HMGB1: variants seen among roughly 807,000 people sequenced by gnomAD.
HMGB1 encodes the protein high mobility group box 1, also known as high mobility group protein B1.
For missense variants in HMGB1, 79 were observed against 253.5 expected, an observed-to-expected ratio of 0.31 and a Z score of 4.67; for synonymous variants, 81 against 84.0, an observed-to-expected ratio of 0.96 and a Z score of 0.19.
At chr13:30,578,368 CTTTTTTTTT>C (rs60947686) in intron 1 of HMGB1, among the ~76,000 whole-genome samples, 44 of 59,308 alleles carry the variant, frequency 7.4e-4, no homozygotes, top group African/African-American at 1.4e-3. Flanking sequence ...AGTTCTTGTT[CTTTTTTTTT>C]TTTTTTTTTT....
intron 1 of HMGB1, chr13:30,464,537 C>A (rs1886592634): frequency 2.0e-6 from 2 of 984,572 alleles, no homozygotes; most frequent in Non-Finnish European, 2.4e-6. Flanking sequence ...GCCCGGCTCC[C>A]AGGCCCGAGG....
At chr13:30,607,597 T>G (rs926943586) in intron 1 of HMGB1, among the ~76,000 whole-genome samples, 6 of 152,308 alleles carry the variant, frequency 3.9e-5, no homozygotes, top group Admixed American at 1.3e-4. Context: ...TACAGCAGTG[T>G]GAAAATAGAC....
chr13:30,552,115 C>CT (rs774864877), intron 1 of HMGB1, among the ~76,000 whole-genome samples: 1 of 152,136 alleles, frequency 6.6e-6, no homozygotes, highest in Non-Finnish European at 1.5e-5. Context: ...TTCTCCTCTC[C>CT]TTTTTTTATT....
chr13:30,592,070 T>C (rs1271269687), intron 1 of HMGB1, among the ~76,000 whole-genome samples: 1 of 152,154 alleles, frequency 6.6e-6, no homozygotes, highest in East Asian at 1.9e-4. Context: ...TTATTTAGAA[T>C]GTCCTATCAG....
chr13:30,539,179 A>G (rs143551920), intron 1 of HMGB1, among the ~76,000 whole-genome samples: 99 of 152,296 alleles, frequency 6.5e-4, no homozygotes, highest in African/African-American at 2.3e-3. Context: ...TTACAGGCGT[A>G]AGCCACTGCG....
chr13:30,547,307 C>T (rs1375892937), intron 1 of HMGB1, among the ~76,000 whole-genome samples: 1 of 152,190 alleles, frequency 6.6e-6, no homozygotes, highest in Non-Finnish European at 1.5e-5. Context: ...TTTACCCTCC[C>T]ATTTCATAAA....
At chr13:30,560,941 G>GT (rs200487340) in intron 1 of HMGB1, among the ~76,000 whole-genome samples, 12,188 of 145,958 alleles carry the variant, frequency 0.084, 845 homozygotes, top group East Asian at 0.39. Flanking sequence ...GGTTATATAT[G>GT]TTTTTTTTTT....
chr13:30,573,885 C>A (rs1035639700), intron 1 of HMGB1, among the ~76,000 whole-genome samples: 1 of 152,108 alleles, frequency 6.6e-6, no homozygotes, highest in African/African-American at 2.4e-5. Context: ...AACTCCTGGT[C>A]TCAAGTGATC....
At chr13:30,606,706 A>C (rs1318406949) in intron 1 of HMGB1, among the ~76,000 whole-genome samples, 2 of 152,236 alleles carry the variant, frequency 1.3e-5, no homozygotes, top group Non-Finnish European at 2.9e-5. Flanking sequence ...GATTATACAA[A>C]TATTTGGGCT....
chr13:30,479,364 C>CACCA (rs1393661612), intron 1 of HMGB1, among the ~76,000 whole-genome samples: 1 of 152,158 alleles, frequency 6.6e-6, no homozygotes, highest in Non-Finnish European at 1.5e-5. Context: ...ACTTCAGACT[C>CACCA]CTATTCCCAC....
intron 1 of HMGB1, among the ~76,000 whole-genome samples, chr13:30,545,192 G>C (rs1869093177): frequency 6.6e-6 from 1 of 152,004 alleles, no homozygotes; most frequent in African/African-American, 2.4e-5. Context: ...AATGCTGATG[G>C]ATGTGAGGCT....
intron 1 of HMGB1, among the ~76,000 whole-genome samples, chr13:30,479,489 C>T (rs778716502): frequency 1.5e-4 from 23 of 152,204 alleles, no homozygotes; most frequent in Non-Finnish European, 2.9e-4. Context: ...TTTTGACTCC[C>T]CTTTCTCCTC....
In HMGB1 at chr13:30,459,387, A is replaced by T. The variant is rs1410976564; in HGVS notation, c.*1970T>A. The T allele has an allele frequency of 6.6e-6, 1 of 151,536 alleles. No individual in the cohort carries two copies. Among genetic ancestry groups the T allele is most frequent in the African/African-American group, 2.4e-5 (1 of 41,422 alleles). 9.4% of individuals were successfully genotyped at this position (151,536 alleles called of 1,614,324 possible). On this transcript the variant is annotated 3_prime_UTR_variant, in exon 5 of 5. Transcript: ENST00000341423. ...GTAGTTGTCATGACGTACCTACTAA[A>T]GTTACAAATTCTCCTTGAGCCAGAA...
chr13:30,610,249 G>C (rs1382417288), intron 1 of HMGB1, among the ~76,000 whole-genome samples: 2 of 152,172 alleles, frequency 1.3e-5, no homozygotes, highest in African/African-American at 2.4e-5. Context: ...CAAAAGCATG[G>C]GGAAGGAGAG....
At chr13:30,551,318 C>A (rs1869419651) in intron 1 of HMGB1, among the ~76,000 whole-genome samples, 1 of 152,210 alleles carries the variant, frequency 6.6e-6, no homozygotes, top group African/African-American at 2.4e-5. Flanking sequence ...AGGCTCATCA[C>A]TGAACTGAAC....
chr13:30,542,098 G>GA (rs1324152708), intron 1 of HMGB1: 1 of 153,644 alleles, frequency 6.5e-6, no homozygotes, highest in Non-Finnish European at 1.5e-5. Context: ...TCTTGGTGTT[G>GA]AGCGCATCCA....
intron 1 of HMGB1, among the ~76,000 whole-genome samples, chr13:30,509,784 A>T (rs1046661108): frequency 6.6e-6 from 1 of 152,182 alleles, no homozygotes; most frequent in Non-Finnish European, 1.5e-5. Context: ...GTCCATGCAT[A>T]TTCACTGGAT....
chr13:30,519,522 T>C (rs113796965), intron 1 of HMGB1, among the ~76,000 whole-genome samples: 43,369 of 144,920 alleles, frequency 0.3, 6,537 homozygotes, highest in East Asian at 0.48. Flanking sequence ...AGTGAAACCC[T>C]GTCTCTACTA....
intron 1 of HMGB1, among the ~76,000 whole-genome samples, chr13:30,514,352 CTTTT>C (rs60409517): frequency 7.7e-6 from 1 of 130,442 alleles, no homozygotes; most frequent in Admixed American, 7.6e-5. Context: ...CTAGTTCAAT[CTTTT>C]TTTTTTTTTT....
Sources: allele counts gnomAD v4.1 joint callset (sites outside exome capture counted in the v4.1 genomes callset), GRCh38; gene constraint gnomAD v4.1.1; transcripts MANE v1.5; gene names NCBI Gene and HGNC (gene_info 2026-07-23, HGNC 2026-07-21).